The following ERICH6B variants were observed in gnomAD, a reference collection of about 807,000 sequenced individuals.
ERICH6B encodes glutamate rich 6B.
In ERICH6B, 69 loss-of-function variants were observed where a neutral mutation model predicts 80.0. The ratio of observed to expected loss-of-function variants is 0.86; its 90% CI spans 0.71 to 1.05. The LOEUF (loss-of-function observed/expected upper bound fraction) is 1.05, where lower values mean the gene tolerates loss of function less well. ERICH6B is among the 50% of genes least tolerant of loss of function. The probability of loss-of-function intolerance (pLI) is 0.00; values close to 1 mark genes in which losing one functional copy is unlikely to be tolerated. For missense variants in ERICH6B, 754 were observed against 796.1 expected, an observed-to-expected ratio of 0.95 and a Z score of 0.64; for synonymous variants, 283 against 291.9, an observed-to-expected ratio of 0.97 and a Z score of 0.31.
intron 9 of ERICH6B, among the ~76,000 whole-genome samples, chr13:45,566,965 G>A (rs1391293546): frequency 1.3e-5 from 2 of 152,246 alleles, no homozygotes; most frequent in Non-Finnish European, 2.9e-5. Context: ...AAGCCACAGG[G>A]GCAGAGCTGC....
chr13:45,541,404 G>A lies in ERICH6B; in HGVS notation c.*58C>T, dbSNP rs1873765668. On this transcript the variant is annotated 3_prime_UTR_variant, in exon 15 of 15. Coordinates refer to ENST00000298738, the MANE Select transcript of ERICH6B (RefSeq NM_182542.3). The stretch of plus-strand genomic sequence containing the variant: ...CAGGTCTTTGGGTTTTTTTTCCCTG[G>A]AGCTCCCAAGGTCTCCAACTTCCTA... The A allele has an allele frequency of 6.9e-7, 1 of 1,453,442 alleles. No homozygotes were observed. Among genetic ancestry groups the A allele is most frequent in the Non-Finnish European group, 9.3e-7 (1 of 1,073,006 alleles). The allele number at this position is 1,453,442 out of a possible 1,614,324, so 90.0% of individuals were successfully genotyped here.
intron 14 of ERICH6B, 84 bp from the exon 15 acceptor site, chr13:45,541,764 A>G: frequency 1.6e-6 from 2 of 1,289,706 alleles, no homozygotes; most frequent in Non-Finnish European, 2.2e-6. Flanking sequence ...TCCTGTGGCC[A>G]GGACCAAGCG....
intron 14 of ERICH6B, among the ~76,000 whole-genome samples, chr13:45,543,391 G>A (rs992464175): frequency 6.6e-6 from 1 of 152,170 alleles, no homozygotes; most frequent in Non-Finnish European, 1.5e-5. Flanking sequence ...TTGGAAACGG[G>A]GTCTCTGTGG....
chr13:45,561,508 A>C lies in ERICH6B; in HGVS notation c.1268T>G (p.Met423Arg). Residue 423 changes from methionine to arginine, a missense_variant, in exon 11 of 15, where the codon ATG (methionine) becomes AGG (arginine). Coordinates refer to ENST00000298738, the MANE Select transcript of ERICH6B (RefSeq NM_182542.3). ...RRREAQKLTE[M>R]TSFTFHLMSK... ...CATTAAATGAAATGTGAAACTGGTC[A>C]TCTCTGTTAACTTTTGAGCTGCCAT... 6.4e-7 allele frequency: 1 copy of C among 1,551,700 alleles called. No individual in the cohort carries two copies.
intron 2 of ERICH6B, among the ~76,000 whole-genome samples, chr13:45,600,053 T>A (rs1345339346): frequency 6.6e-6 from 1 of 152,198 alleles, no homozygotes; most frequent in Non-Finnish European, 1.5e-5. Context: ...ACACTGTCTT[T>A]GGGGCAAAGG....
intron 5 of ERICH6B, among the ~76,000 whole-genome samples, chr13:45,581,156 T>C (rs1388766440): frequency 6.6e-6 from 1 of 152,146 alleles, no homozygotes; most frequent in Non-Finnish European, 1.5e-5. Flanking sequence ...TTGCCTAGGA[T>C]AGATCTGCTA....
chr13:45,587,640 CA>C (rs1312979628), intron 4 of ERICH6B, among the ~76,000 whole-genome samples: 1 of 152,198 alleles, frequency 6.6e-6, no homozygotes, highest in Admixed American at 6.5e-5. Context: ...TAAAATCAAG[CA>C]GTGAGGTCTG....
rs149240538 is a variant in ERICH6B, at chr13:45,574,273, G to A, written c.1050+569C>T. Among the ~76,000 whole-genome samples the A allele has an allele frequency of 2.6e-5, 4 of 152,278 alleles. No homozygotes were observed. In the East Asian group the frequency reaches 7.7e-4, roughly 29 times the overall value. ...TGAAGTGTCAGCCCTAGAGGAAGTT[G>A]ATGCAGGAAATTCGAGCCACTAGTC... On this transcript the variant is annotated intron_variant, in intron 8 of 14. Coordinates refer to ENST00000298738, the MANE Select transcript of ERICH6B (RefSeq NM_182542.3).
chr13:45,585,542 C>A (rs1242408798), intron 5 of ERICH6B, among the ~76,000 whole-genome samples: 1 of 152,150 alleles, frequency 6.6e-6, no homozygotes, highest in Non-Finnish European at 1.5e-5. Context: ...CCTTGTGTTT[C>A]AATCTTTGTT....
intron 3 of ERICH6B, among the ~76,000 whole-genome samples, chr13:45,593,607 T>C (rs1876243516): frequency 6.6e-6 from 1 of 152,140 alleles, no homozygotes; most frequent in South Asian, 2.1e-4. Context: ...CCCAAGCTCA[T>C]GCAACTAGTG....
At chr13:45,593,199 G>T (rs529374059) in intron 3 of ERICH6B, among the ~76,000 whole-genome samples, 26 of 152,280 alleles carry the variant, frequency 1.7e-4, no homozygotes, top group African/African-American at 5.5e-4. Flanking sequence ...GGTGGGTGGG[G>T]GTTGTTAGTC....
intron 11 of ERICH6B, among the ~76,000 whole-genome samples, chr13:45,551,139 T>A (rs1874207439): frequency 1.3e-5 from 2 of 152,250 alleles, no homozygotes; most frequent in African/African-American, 2.4e-5. Context: ...AGATCTCTGC[T>A]GTCTCTGTAG....
chr13:45,561,415 C>T lies in ERICH6B; in HGVS notation c.1361G>A (p.Arg454Lys), dbSNP rs1202113835. 4 of 1,552,202 alleles carry T rather than the reference C, an allele frequency of 2.6e-6. No homozygotes were observed. In the African/African-American group the frequency reaches 4.1e-5, roughly 16 times the overall value. The change falls in exon 11 of 15, where the codon AGG becomes AAG. Residue 454 changes from arginine to lysine, a missense_variant. By Grantham distance (26) the Arg-to-Lys change is conservative (BLOSUM62 2). Transcript: ENST00000298738. Reference sequence around the variant, plus strand: ...TTCCTTATCTCGTTCTAATTTCTTCCTATGATGAACAACACGTTGAGGCTT... The same window carrying T: ...TTCCTTATCTCGTTCTAATTTCTTCTTATGATGAACAACACGTTGAGGCTT... ...IQKPQRVVHH[R>K]KKLERDKEWI...
intron 4 of ERICH6B, 66 bp from the exon 5 acceptor site, chr13:45,587,298 G>A: frequency 7.0e-7 from 1 of 1,438,210 alleles, no homozygotes; most frequent in Non-Finnish European, 9.5e-7. Context: ...CCCTTCTAAG[G>A]CATGTTAGGG....
At chr13:45,594,107 A>G (rs947546408) in intron 3 of ERICH6B, among the ~76,000 whole-genome samples, 1 of 152,238 alleles carries the variant, frequency 6.6e-6, no homozygotes, top group Non-Finnish European at 1.5e-5. Context: ...TCTTAAGGGT[A>G]TTAGGAGACT....
intron 1 of ERICH6B, among the ~76,000 whole-genome samples, chr13:45,608,093 A>G (rs183400247): frequency 5.3e-5 from 8 of 152,300 alleles, no homozygotes; most frequent in Admixed American, 2.0e-4. Context: ...TGGAACAGGA[A>G]ATGAGGGTGG....
At chr13:45,602,826 C>T (rs1034622070) in intron 2 of ERICH6B, among the ~76,000 whole-genome samples, 24 of 152,212 alleles carry the variant, frequency 1.6e-4, no homozygotes, top group African/African-American at 4.8e-4. Context: ...GAGCCACACA[C>T]ACATCTTGCC....
Position 45,544,983 on chromosome 13 carries a change from A to G in ERICH6B, c.1649T>C (p.Leu550Ser). The G allele has an allele frequency of 1.3e-6, 2 of 1,550,308 alleles. No homozygotes were observed. Among genetic ancestry groups the G allele is most frequent in the Non-Finnish European group, 1.7e-6 (2 of 1,146,830 alleles). The part of the protein sequence containing the change: ...TFYDENSDIW[L>S]NLSSNLGYYF... ...GTAGCCCAGGTTGGAGCTCAGGTTC[A>G]ACCTGGACCAGGAGAAAGCATGTCA... Residue 550 changes from leucine (L) to serine (S), a missense_variant and splice_region_variant, in exon 14 of 15, where the codon TTG (leucine) becomes TCG (serine). Leu to Ser is a moderately radical substitution (Grantham distance 145, BLOSUM62 -2). Coordinates refer to ENST00000298738, the MANE Select transcript of ERICH6B (RefSeq NM_182542.3).
chr13:45,562,244 G>A (rs968806003), intron 10 of ERICH6B, among the ~76,000 whole-genome samples: 1 of 152,194 alleles, frequency 6.6e-6, no homozygotes, highest in African/African-American at 2.4e-5. Context: ...TGCCATGTTG[G>A]CCAGGCTTGT....
Sources: gnomAD v4.1 joint callset for allele counts (sites outside exome capture counted in the v4.1 genomes callset) on GRCh38, gnomAD v4.1.1 for gene constraint, MANE v1.5 for transcripts, NCBI Gene and HGNC (gene_info 2026-07-23, HGNC 2026-07-21) for gene names.